Variants in SPOCK3 observed in about 807,000 individuals in gnomAD.
SPOCK3 encodes the protein SPARC (osteonectin), cwcv and kazal like domains proteoglycan 3.
SPOCK3 carries 30 observed loss-of-function variants against 56.6 expected under a neutral mutation model. The observed-to-expected ratio is 0.53, with a 90% CI of 0.40 to 0.72. The LOEUF is 0.72. Ranked by LOEUF, SPOCK3 falls within the 30% of genes least tolerant of loss-of-function variation. The probability of loss-of-function intolerance (pLI) is 0.00; values close to 1 mark genes in which losing one functional copy is unlikely to be tolerated. For missense variants in SPOCK3, 527 were observed against 530.0 expected (o/e 0.99, Z 0.06); for synonymous variants, 196 against 183.3 (o/e 1.07, Z -0.56).
intron 2 of SPOCK3, among the ~76,000 whole-genome samples, chr4:167,216,979 A>G (rs967289137): frequency 6.6e-6 from 1 of 152,110 alleles, no homozygotes; most frequent in East Asian, 1.9e-4. Context: ...ATAAATATAA[A>G]TAAGATCAGA....
intron 3 of SPOCK3, among the ~76,000 whole-genome samples, chr4:167,043,036 T>C (rs1335104912): frequency 6.6e-6 from 1 of 152,106 alleles, no homozygotes; most frequent in Non-Finnish European, 1.5e-5. Context: ...CTCTACAGTT[T>C]TCTCTTTTGC....
At chr4:167,151,402 A>G (rs576122802) in intron 2 of SPOCK3, among the ~76,000 whole-genome samples, 16 of 150,462 alleles carry the variant, frequency 1.1e-4, no homozygotes, top group African/African-American at 3.9e-4. Context: ...TTTTGTTGTT[A>G]GTGTTTTCTC....
intron 4 of SPOCK3, among the ~76,000 whole-genome samples, chr4:166,952,521 T>C (rs1392632678): frequency 3.9e-5 from 6 of 152,134 alleles, no homozygotes; most frequent in Non-Finnish European, 7.3e-5. Flanking sequence ...AGGTAATTTA[T>C]AGATTCAATG....
chr4:166,963,319 GA>G (rs1744353280), intron 4 of SPOCK3, among the ~76,000 whole-genome samples: 1 of 151,978 alleles, frequency 6.6e-6, no homozygotes, highest in Non-Finnish European at 1.5e-5. Flanking sequence ...AGTGAGCAAT[GA>G]TGTTTATTTT....
chr4:166,994,027 A>C (rs1748089813), intron 4 of SPOCK3, among the ~76,000 whole-genome samples: 1 of 152,156 alleles, frequency 6.6e-6, no homozygotes, highest in Non-Finnish European at 1.5e-5. Flanking sequence ...CCAGACTTCA[A>C]AGCTAGTCCG....
At position 166,733,939 on chromosome 4, in the gene SPOCK3, T is replaced by C. The variant is rs2126326297; in HGVS notation, c.*982A>G. On this transcript the variant is annotated 3_prime_UTR_variant, in exon 11 of 11. Coordinates refer to ENST00000357545, the MANE Select transcript of SPOCK3 (RefSeq NM_001040159.2). ...GCTAAAATCTTTCTATCTCTATTTT[T>C]GCAAGGCACCATACAATAAGTTCTC... 1 of 152,384 alleles carries C rather than the reference T, an allele frequency of 6.6e-6. No individual in the cohort carries two copies. The highest frequency in any genetic ancestry group is 2.1e-4 in the South Asian group (1 of 4,824). The allele number at this position is 152,384 out of a possible 1,614,324, so 9.4% of individuals were successfully genotyped here.
chr4:166,883,971 T>C (rs996664298), intron 6 of SPOCK3, among the ~76,000 whole-genome samples: 1 of 152,172 alleles, frequency 6.6e-6, no homozygotes, highest in African/African-American at 2.4e-5. Flanking sequence ...GAAAAGCTGT[T>C]TTTAATTACA....
Position 167,181,837 on chromosome 4 carries a change from A to G in SPOCK3, c.189+52148T>C, listed in dbSNP as rs558102474. 2.6e-5 allele frequency among the ~76,000 whole-genome samples: 4 copies of G among 152,268 alleles called. No individual in the cohort carries two copies. The South Asian group carries it at 8.3e-4, about 32-fold the overall frequency. On this transcript the variant is annotated intron_variant, in intron 2 of 10. Coordinates refer to ENST00000357545, the MANE Select transcript of SPOCK3 (RefSeq NM_001040159.2). ...CTTCTTCTCACTAATTTTATCTGCTATATTTTTCTTCATTTCAATAGTCAC... is the reference window on the plus strand; with the variant it reads ...CTTCTTCTCACTAATTTTATCTGCTGTATTTTTCTTCATTTCAATAGTCAC...
At chr4:167,166,534 G>T (rs1309743065) in intron 2 of SPOCK3, among the ~76,000 whole-genome samples, 1 of 152,054 alleles carries the variant, frequency 6.6e-6, no homozygotes, top group Non-Finnish European at 1.5e-5. Context: ...GTGTGCTCTT[G>T]CTGTTAAGAG....
intron 2 of SPOCK3, among the ~76,000 whole-genome samples, chr4:167,085,914 C>T (rs1758154079): frequency 1.3e-5 from 2 of 151,962 alleles, no homozygotes; most frequent in Admixed American, 1.3e-4. Flanking sequence ...ATTATGGGTA[C>T]TTAATAATAA....
chr4:166,928,014 T>G (rs1739312035), intron 4 of SPOCK3, among the ~76,000 whole-genome samples: 1 of 152,166 alleles, frequency 6.6e-6, no homozygotes, highest in Non-Finnish European at 1.5e-5. Flanking sequence ...ACTCGCAAAT[T>G]GAAACCATGG....
chr4:167,139,335 A>G (rs1323316507), intron 2 of SPOCK3, among the ~76,000 whole-genome samples: 1 of 152,064 alleles, frequency 6.6e-6, no homozygotes, highest in Non-Finnish European at 1.5e-5. Context: ...AATGAACTAC[A>G]CTAGAAAAAG....
At chr4:167,197,889 A>C (rs1224162399) in intron 2 of SPOCK3, among the ~76,000 whole-genome samples, 3 of 152,196 alleles carry the variant, frequency 2.0e-5, no homozygotes, top group African/African-American at 7.2e-5. Flanking sequence ...GCAAGCCTGC[A>C]GAAGACACCT....
chr4:167,018,438 TCC>T (rs1463095779), intron 3 of SPOCK3, among the ~76,000 whole-genome samples: 1 of 152,068 alleles, frequency 6.6e-6, no homozygotes, highest in African/African-American at 2.4e-5. Flanking sequence ...CTTGTCTTCT[TCC>T]CATACCCTCC....
chr4:167,059,102 A>T (rs1461070745), intron 3 of SPOCK3, among the ~76,000 whole-genome samples: 1 of 152,118 alleles, frequency 6.6e-6, no homozygotes. Flanking sequence ...CAAGGACTTC[A>T]TGTCTAAAAC....
intron 6 of SPOCK3, among the ~76,000 whole-genome samples, chr4:166,874,465 G>A (rs761743716): frequency 3.9e-5 from 6 of 152,120 alleles, no homozygotes; most frequent in African/African-American, 7.2e-5. Flanking sequence ...TTTATATAAC[G>A]TGCTAAGGAC....
intron 3 of SPOCK3, among the ~76,000 whole-genome samples, chr4:167,029,053 T>C (rs1170130028): frequency 6.6e-6 from 1 of 151,994 alleles, no homozygotes; most frequent in Non-Finnish European, 1.5e-5. Context: ...ATCCATTAGC[T>C]ATTCTTCCTG....
rs573922065 is a variant in SPOCK3 at position 166,978,281 on chromosome 4, A to G, written c.350+22068T>C. On this transcript the variant is annotated intron_variant, in intron 4 of 10. Transcript: ENST00000357545. ...GCACCTATTGCACTCAGGAGCCCTG[A>G]TTAAGACAAACTGGGAAATGGCAAG... 6.6e-5 allele frequency among the ~76,000 whole-genome samples: 10 copies of G among 152,240 alleles called. 1 individual carries two copies. The South Asian group carries it at 2.1e-3, about 32-fold the overall frequency.
chr4:167,119,929 G>A, intron 2 of SPOCK3: 1 of 1,173,618 alleles, frequency 8.5e-7, no homozygotes, highest in Admixed American at 2.7e-5. Flanking sequence ...AGAAAGAAAA[G>A]AATAAACCCC....
Sources: gnomAD v4.1 joint callset for allele counts (sites outside exome capture counted in the v4.1 genomes callset) on GRCh38, gnomAD v4.1.1 for gene constraint, MANE v1.5 for transcripts, NCBI Gene and HGNC (gene_info 2026-07-23, HGNC 2026-07-21) for gene names.